Variants in LMX1A observed in about 807,000 individuals in gnomAD.
LMX1A encodes LIM homeobox transcription factor 1-alpha.
A neutral mutation model predicts 49.1 loss-of-function variants in LMX1A; 15 were observed. That is an observed-to-expected ratio of 0.31 (90% CI 0.20 to 0.47). LMX1A has a LOEUF of 0.47. Ranked by LOEUF, LMX1A falls within the 20% of genes least tolerant of loss-of-function variation. The pLI is 1.00. For synonymous variants in LMX1A, 167 were observed against 185.7 expected (o/e 0.90, Z 0.82); for missense variants, 372 against 475.8 (o/e 0.78, Z 2.03).
Position 165,210,755 on chromosome 1 carries a change from C to G in LMX1A, c.691G>C (p.Glu231Gln). Residue 231 changes from glutamate (E) to glutamine (Q), a missense_variant, in exon 6 of 9, where the codon GAG becomes CAG. By Grantham distance (29) the Glu-to-Gln change is conservative (BLOSUM62 2). Around this residue, in one of 3 missense-constraint regions of LMX1A, gnomAD observed 46 missense variants for 93.8 expected, o/e 0.49. Coordinates refer to ENST00000342310, the MANE Select transcript of LMX1A (RefSeq NM_177398.4). ...ACGACACGGACACTCAGCCCTGTCT[C>G]TGCAGCCAGAGTCTCTCTCACCTTG... ...CRKVRETLAA[E>Q]TGLSVRVVQV... 1 of 1,613,994 alleles carries G rather than the reference C, an allele frequency of 6.2e-7. No homozygotes were observed. The highest frequency in any genetic ancestry group is 8.5e-7 in the Non-Finnish European group (1 of 1,179,902).
In LMX1A at chr1:165,341,059, AC is replaced by A. The variant is rs1443353378; in HGVS notation, c.263+12016del. 7.9e-5 allele frequency among the ~76,000 whole-genome samples: 12 copies of A among 152,310 alleles called. No homozygotes were observed. The East Asian group carries it at 2.3e-3, about 29-fold the overall frequency. On this transcript the variant is annotated intron_variant, in intron 3 of 8. Coordinates refer to ENST00000342310, the MANE Select transcript of LMX1A (RefSeq NM_177398.4). ...ACTCCTACCAGTGCCCCAGTTTGCC[AC>A]CAGAATTACCTTTCCAGAAAATAAA...
At chr1:165,279,544 C>T (rs1286899067) in intron 3 of LMX1A, among the ~76,000 whole-genome samples, 2 of 152,160 alleles carry the variant, frequency 1.3e-5, no homozygotes, top group African/African-American at 4.8e-5. Context: ...TGATGCTTGG[C>T]TCTGTGCTCT....
intron 3 of LMX1A, among the ~76,000 whole-genome samples, chr1:165,320,064 G>A (rs1454352527): frequency 2.0e-5 from 3 of 152,072 alleles, no homozygotes; most frequent in African/African-American, 7.2e-5. Flanking sequence ...TCTCCCTAGT[G>A]AAGAAGTAAA....
At chr1:165,260,755 G>A (rs1053679884) in intron 3 of LMX1A, among the ~76,000 whole-genome samples, 1 of 152,100 alleles carries the variant, frequency 6.6e-6, no homozygotes, top group Non-Finnish European at 1.5e-5. Context: ...TCTTGTAGGG[G>A]AGGCAAACAA....
chr1:165,215,111 A>G (rs1169019327), intron 4 of LMX1A, among the ~76,000 whole-genome samples: 1 of 152,116 alleles, frequency 6.6e-6, no homozygotes, highest in African/African-American at 2.4e-5. Flanking sequence ...TGAGCTCAGG[A>G]GTTTGAGATT....
intron 3 of LMX1A, among the ~76,000 whole-genome samples, chr1:165,316,585 C>G (rs988164436): frequency 2.6e-5 from 4 of 152,174 alleles, no homozygotes; most frequent in African/African-American, 9.7e-5. Flanking sequence ...TGGGGCTTCC[C>G]GGCTGGTACT....
intron 4 of LMX1A, among the ~76,000 whole-genome samples, chr1:165,242,000 G>A (rs1411877840): frequency 2.0e-5 from 3 of 152,202 alleles, no homozygotes; most frequent in African/African-American, 7.2e-5. Flanking sequence ...ACAGACTCCA[G>A]CAGATGTGAG....
At chr1:165,237,677 T>A (rs1652500311) in intron 4 of LMX1A, among the ~76,000 whole-genome samples, 1 of 152,116 alleles carries the variant, frequency 6.6e-6, no homozygotes, top group Admixed American at 6.5e-5. Context: ...AATTACCCAG[T>A]TTCGAATATA....
At chr1:165,224,458 G>A (rs931179929) in intron 4 of LMX1A, among the ~76,000 whole-genome samples, 5 of 152,106 alleles carry the variant, frequency 3.3e-5, no homozygotes, top group African/African-American at 1.2e-4. Context: ...ATAGTTACAG[G>A]AACTATGGGG....
At chr1:165,352,588 G>C (rs1426126489) in intron 3 of LMX1A, among the ~76,000 whole-genome samples, 5 of 152,246 alleles carry the variant, frequency 3.3e-5, no homozygotes, top group African/African-American at 4.8e-5. Flanking sequence ...CAGGGCACAG[G>C]GGACAGAAGC....
chr1:165,209,516 A>G (rs1224185116), intron 6 of LMX1A, among the ~76,000 whole-genome samples: 1 of 152,202 alleles, frequency 6.6e-6, no homozygotes, highest in Non-Finnish European at 1.5e-5. Flanking sequence ...TAAGTTGACC[A>G]TCAATGCCCA....
rs1656586061 is a variant in LMX1A, at chr1:165,355,718, A to G, written c.-22-137T>C. On this transcript the variant is annotated intron_variant, in intron 1 of 8. Coordinates refer to ENST00000342310, the MANE Select transcript of LMX1A (RefSeq NM_177398.4). The surrounding 1 kb of genome is among the most constrained non-coding windows in gnomAD (Gnocchi z 4.7). ...CAGCCAGGAGGATAGGGTCCAGCCA[A>G]GAGAATGTAGGGTGGGAGGAGAGAT... 1.5e-6 allele frequency: 1 copy of G among 651,702 alleles called. No individual in the cohort carries two copies. The highest frequency in any genetic ancestry group is 1.8e-5 in the African/African-American group (1 of 55,232). The allele number at this position is 651,702 out of a possible 1,614,324, so 40.4% of individuals were successfully genotyped here. A position where few individuals can be genotyped will look rare whatever the true frequency, so the allele number is the denominator to read the frequency against.
intron 3 of LMX1A, among the ~76,000 whole-genome samples, chr1:165,254,831 T>C (rs557135904): frequency 6.6e-6 from 1 of 152,316 alleles, no homozygotes; most frequent in East Asian, 1.9e-4. Context: ...CTTCCAGAGA[T>C]GTCCAGCTCA....
chr1:165,325,067 T>C (rs929326427), intron 3 of LMX1A, among the ~76,000 whole-genome samples: 1 of 152,134 alleles, frequency 6.6e-6, no homozygotes, highest in African/African-American at 2.4e-5. Flanking sequence ...CACCACATCA[T>C]CATCTCTAAA....
chr1:165,321,244 T>C, intron 3 of LMX1A, among the ~76,000 whole-genome samples: 1 of 152,140 alleles, frequency 6.6e-6, no homozygotes, highest in Non-Finnish European at 1.5e-5. Context: ...TGGGGAGTTA[T>C]GGATAGGTAG....
intron 3 of LMX1A, among the ~76,000 whole-genome samples, chr1:165,277,653 C>G (rs763817770): frequency 6.6e-6 from 1 of 152,190 alleles, no homozygotes; most frequent in Non-Finnish European, 1.5e-5. Context: ...CCTGGAATCC[C>G]CTGCTCTGTC....
chr1:165,346,181 T>C (rs1431701126), intron 3 of LMX1A, among the ~76,000 whole-genome samples: 1 of 152,156 alleles, frequency 6.6e-6, no homozygotes, highest in Non-Finnish European at 1.5e-5. Flanking sequence ...CTCTCAGAGA[T>C]AGGCAGATCT....
At chr1:165,320,613 T>A (rs774595790) in intron 3 of LMX1A, among the ~76,000 whole-genome samples, 4 of 152,206 alleles carry the variant, frequency 2.6e-5, no homozygotes, top group Non-Finnish European at 5.9e-5. Context: ...GAGACGTTCA[T>A]ACATTCAGCA....
chr1:165,209,306 GT>G (rs1651263501), intron 6 of LMX1A, among the ~76,000 whole-genome samples: 1 of 152,136 alleles, frequency 6.6e-6, no homozygotes, highest in Non-Finnish European at 1.5e-5. Context: ...CGTTGACCCT[GT>G]TTTTTGGCAT....
Sources: gnomAD v4.1 joint callset for allele counts (sites outside exome capture counted in the v4.1 genomes callset) on GRCh38, gnomAD v4.1.1 for gene constraint, gnomAD v4.1.1 regional missense constraint, Gnocchi (gnomAD v3.1) non-coding constraint, MANE v1.5 for transcripts, NCBI Gene and HGNC (gene_info 2026-07-23, HGNC 2026-07-21) for gene names.